Variants in SLC35A1 observed in about 807,000 individuals in gnomAD.
The protein encoded by SLC35A1 is solute carrier family 35 member A1.
A neutral mutation model predicts 40.3 loss-of-function variants in SLC35A1; 21 were observed. The ratio of observed to expected loss-of-function variants is 0.52; its 90% CI spans 0.37 to 0.75. The LOEUF is 0.75. SLC35A1 is among the 30% of genes least tolerant of loss of function. SLC35A1 has a pLI of 0.00. For synonymous variants in SLC35A1, 146 were observed against 147.3 expected (o/e 0.99, Z 0.06); for missense variants, 297 against 382.1 (o/e 0.78, Z 1.86).
At chr6:87,489,215 T>C (rs144445765) in intron 2 of SLC35A1, among the ~76,000 whole-genome samples, 4 of 152,296 alleles carry the variant, frequency 2.6e-5, no homozygotes, top group East Asian at 3.9e-4. Context: ...AAAACTTATA[T>C]TGAAATTCTA....
At chr6:87,492,545 A>ATTTTTTT (rs59459204) in intron 2 of SLC35A1, among the ~76,000 whole-genome samples, 4 of 115,042 alleles carry the variant, frequency 3.5e-5, no homozygotes, top group Non-Finnish European at 6.9e-5. Context: ...ATTTATCTTG[A>ATTTTTTT]TTTTTTTTTT....
chr6:87,498,642 G>T (rs1268481756), intron 2 of SLC35A1, among the ~76,000 whole-genome samples: 2 of 152,182 alleles, frequency 1.3e-5, no homozygotes, highest in South Asian at 2.1e-4. Context: ...GTAGTGGCCT[G>T]TGCATGTAGT....
chr6:87,507,850 G>A (rs758743856), intron 5 of SLC35A1, among the ~76,000 whole-genome samples: 1 of 117,850 alleles, frequency 8.5e-6, no homozygotes, highest in Non-Finnish European at 2.2e-5. Flanking sequence ...TATCCAGTTG[G>A]GGAGTTCATG....
chr6:87,498,034 T>C (rs1769796003), intron 2 of SLC35A1, among the ~76,000 whole-genome samples: 1 of 152,066 alleles, frequency 6.6e-6, no homozygotes, highest in Admixed American at 6.6e-5. Context: ...ACCAAGGCTA[T>C]AATATATTTA....
intron 1 of SLC35A1, among the ~76,000 whole-genome samples, 193 bp from the exon 2 acceptor site, chr6:87,477,169 G>A (rs1192868592): frequency 6.8e-6 from 1 of 146,156 alleles, no homozygotes; most frequent in Non-Finnish European, 1.5e-5. Flanking sequence ...CAGCTGTGGT[G>A]TGTGTGTGTG....
chr6:87,491,515 A>C (rs957284677), intron 2 of SLC35A1, among the ~76,000 whole-genome samples: 6 of 152,226 alleles, frequency 3.9e-5, no homozygotes, highest in African/African-American at 1.4e-4. Flanking sequence ...ATTTTTGATT[A>C]AGACAAAGAT....
chr6:87,491,711 G>T (rs930673058), intron 2 of SLC35A1, among the ~76,000 whole-genome samples: 32 of 152,168 alleles, frequency 2.1e-4, no homozygotes, highest in African/African-American at 6.5e-4. Flanking sequence ...GAAAGTCCAG[G>T]ATCAAGATGC....
chr6:87,483,362 C>T (rs1227945510), intron 2 of SLC35A1, among the ~76,000 whole-genome samples: 1 of 151,986 alleles, frequency 6.6e-6, no homozygotes, highest in South Asian at 2.1e-4. Context: ...CTTTCTTTCC[C>T]CCGAGAAGAA....
At chr6:87,491,412 A>G (rs980027402) in intron 2 of SLC35A1, among the ~76,000 whole-genome samples, 1 of 152,216 alleles carries the variant, frequency 6.6e-6, no homozygotes, top group Non-Finnish European at 1.5e-5. Context: ...AAAGGAACCT[A>G]GAAAGTAATT....
chr6:87,484,712 A>AATGAGTCAGGGTGGAGCAGGTAATCGGT (rs1769346872), intron 2 of SLC35A1, among the ~76,000 whole-genome samples: 1 of 151,372 alleles, frequency 6.6e-6, no homozygotes, highest in Non-Finnish European at 1.5e-5. Context: ...AGGTAATCGG[A>AATGAGTCAGGGTGGAGCAGGTAATCGGT]ATGAGTCAGG....
intron 1 of SLC35A1, among the ~76,000 whole-genome samples, chr6:87,475,126 T>A (rs1274330836): frequency 1.3e-5 from 2 of 152,154 alleles, no homozygotes; most frequent in African/African-American, 4.8e-5. Flanking sequence ...AGATCTGCTG[T>A]TGTAGGGAAA....
intron 2 of SLC35A1, among the ~76,000 whole-genome samples, chr6:87,481,914 A>AT (rs1055062492): frequency 6.6e-6 from 1 of 152,098 alleles, no homozygotes; most frequent in Admixed American, 6.6e-5. Flanking sequence ...TCAAAACAAA[A>AT]TTTTTTTTAA....
intron 6 of SLC35A1, among the ~76,000 whole-genome samples, chr6:87,508,823 T>G (rs147560370): frequency 1.2e-3 from 177 of 152,322 alleles, no homozygotes; most frequent in African/African-American, 4.0e-3. Context: ...GTGTAAAATT[T>G]AATAGACCAC....
At chr6:87,485,640 G>A (rs982048092) in intron 2 of SLC35A1, among the ~76,000 whole-genome samples, 20 of 152,176 alleles carry the variant, frequency 1.3e-4, no homozygotes, top group African/African-American at 4.3e-4. Context: ...GTGTGTGGCT[G>A]TAGTCACAGC....
intron 2 of SLC35A1, among the ~76,000 whole-genome samples, chr6:87,497,425 G>T (rs1176106876): frequency 6.6e-6 from 1 of 152,168 alleles, no homozygotes; most frequent in East Asian, 1.9e-4. Context: ...AGATCTGAAG[G>T]TTAATCCTGA....
chr6:87,495,156 C>T (rs139245485), intron 2 of SLC35A1, among the ~76,000 whole-genome samples: 4 of 152,068 alleles, frequency 2.6e-5, no homozygotes, highest in Non-Finnish European at 4.4e-5. Context: ...CATGGGGTTT[C>T]GCCATGTTGT....
At chr6:87,478,739 T>A (rs1023658901) in intron 2 of SLC35A1, among the ~76,000 whole-genome samples, 2 of 152,226 alleles carry the variant, frequency 1.3e-5, no homozygotes, top group Non-Finnish European at 2.9e-5. Context: ...AAATATGTGT[T>A]ATAAATAAAG....
chr6:87,498,920 A>C (rs1022401109), intron 2 of SLC35A1, among the ~76,000 whole-genome samples: 2 of 152,176 alleles, frequency 1.3e-5, no homozygotes, highest in African/African-American at 4.8e-5. Context: ...TTTTTGGTGG[A>C]AAATCTGTGG....
intron 2 of SLC35A1, among the ~76,000 whole-genome samples, chr6:87,492,734 G>C (rs891480051): frequency 8.6e-5 from 13 of 151,926 alleles, no homozygotes; most frequent in Admixed American, 3.9e-4. Flanking sequence ...ATTTTTAGTA[G>C]AGATGGGGTT....
Sources: gnomAD v4.1 joint callset for allele counts (sites outside exome capture counted in the v4.1 genomes callset) on GRCh38, gnomAD v4.1.1 for gene constraint, MANE v1.5 for transcripts, NCBI Gene and HGNC (gene_info 2026-07-23, HGNC 2026-07-21) for gene names.